Variants in MAP4K4 observed in about 807,000 individuals in gnomAD.
MAP4K4 encodes mitogen-activated protein kinase kinase kinase kinase 4.
In MAP4K4, 38 loss-of-function variants were observed where a neutral mutation model predicts 189.6. The observed-to-expected ratio is 0.20, with a 90% CI of 0.15 to 0.26. The LOEUF (loss-of-function observed/expected upper bound fraction) is 0.26, where lower values mean the gene tolerates loss of function less well. MAP4K4 is among the 10% of genes least tolerant of loss of function. MAP4K4 has a pLI of 1.00. For missense variants in MAP4K4, 1,054 were observed against 1,726.9 expected (o/e 0.61, Z 6.91); for synonymous variants, 610 against 624.3 (o/e 0.98, Z 0.34).
chr2:101,758,866 G>A (rs1358185314), intron 2 of MAP4K4, among the ~76,000 whole-genome samples: 2 of 152,100 alleles, frequency 1.3e-5, no homozygotes, highest in Non-Finnish European at 2.9e-5. Context: ...GGGCGCGGTG[G>A]CTCACGCCTG....
rs759472691 is a variant in MAP4K4, at chr2:101,698,467, C to G, written c.58-6C>G. 15 of 1,613,176 alleles carry G rather than the reference C, an allele frequency of 9.3e-6. No homozygotes were observed. In the Admixed American group the frequency reaches 2.2e-4, roughly 23 times the overall value. On this transcript the variant is annotated splice_polypyrimidine_tract_variant and splice_region_variant and intron_variant, in intron 1 of 32. Transcript: ENST00000324219. ...AATGATAACCCCTCCCCTCCTTCCT[C>G]TCCAGGATCCTGCTGGGATTTTTGA... is the stretch of plus-strand genomic sequence containing the variant.
At chr2:101,853,298 G>A (rs1197961358) in intron 12 of MAP4K4, among the ~76,000 whole-genome samples, 1 of 152,166 alleles carries the variant, frequency 6.6e-6, no homozygotes, top group African/African-American at 2.4e-5. Flanking sequence ...GAAGGATATA[G>A]AGACAGTGGG....
At chr2:101,858,946 G>A (rs1576905223) in intron 13 of MAP4K4, 50 bp from the exon 14 acceptor site, 1 of 1,429,626 alleles carries the variant, frequency 7.0e-7, no homozygotes, top group South Asian at 1.2e-5. Flanking sequence ...AGGTGGTTCT[G>A]ATGCTTTTCT....
chr2:101,770,831 T>C lies in MAP4K4; in HGVS notation c.124-19889T>C, dbSNP rs2081073712. On this transcript the variant is annotated intron_variant, in intron 2 of 32. Coordinates refer to ENST00000324219, the Ensembl canonical transcript of MAP4K4. ...ACCCATAATTGTCCCAGTGGACATTTAAACTGGAGTAGACAACTGTCACCA... is the reference window on the plus strand; with the variant it reads ...ACCCATAATTGTCCCAGTGGACATTCAAACTGGAGTAGACAACTGTCACCA... Among the ~76,000 whole-genome samples the C allele has an allele frequency of 3.3e-5, 5 of 152,162 alleles. No individual in the cohort carries two copies. In the South Asian group the frequency reaches 1.0e-3, roughly 32 times the overall value.
intron 27 of MAP4K4, among the ~76,000 whole-genome samples, chr2:101,880,951 A>T (rs912949442): frequency 4.6e-5 from 7 of 152,074 alleles, no homozygotes; most frequent in African/African-American, 1.7e-4. Flanking sequence ...TTCTTTTTTA[A>T]TGTTATGTGG....
At chr2:101,710,058 G>A (rs1247108255) in intron 2 of MAP4K4, among the ~76,000 whole-genome samples, 1 of 152,148 alleles carries the variant, frequency 6.6e-6, no homozygotes, top group Non-Finnish European at 1.5e-5. Context: ...GACTCTTTAT[G>A]TGTAATTGGT....
At chr2:101,702,808 A>G (rs962974174) in intron 2 of MAP4K4, among the ~76,000 whole-genome samples, 6 of 152,168 alleles carry the variant, frequency 3.9e-5, no homozygotes, top group African/African-American at 1.4e-4. Context: ...GATTGAGGAC[A>G]AGGGTACCCT....
chr2:101,882,263 T>A (rs2098410678), intron 27 of MAP4K4, among the ~76,000 whole-genome samples: 7 of 152,250 alleles, frequency 4.6e-5, no homozygotes, highest in Admixed American at 4.6e-4. Flanking sequence ...AGCATCTTTT[T>A]GTGTGTCTGT....
exon 23 of MAP4K4, chr2:101,870,410 C>T (rs750288751): frequency 1.9e-5 from 30 of 1,613,412 alleles, no homozygotes; most frequent in South Asian, 1.1e-4. Flanking sequence ...TCTAATCGTC[C>T]GCCAGGTACC....
chr2:101,775,607 G>A (rs115744735), intron 2 of MAP4K4, among the ~76,000 whole-genome samples: 26 of 152,090 alleles, frequency 1.7e-4, no homozygotes, highest in African/African-American at 5.5e-4. Flanking sequence ...TAGTGCTGGG[G>A]GTGAGAACTT....
chr2:101,762,285 C>G (rs1421601039), intron 2 of MAP4K4, among the ~76,000 whole-genome samples: 1 of 152,190 alleles, frequency 6.6e-6, no homozygotes. Context: ...CAAATTGCCA[C>G]ACCTAGGTAA....
At chr2:101,766,946 G>GC (rs1490808740) in intron 2 of MAP4K4, among the ~76,000 whole-genome samples, 1 of 152,126 alleles carries the variant, frequency 6.6e-6, no homozygotes, top group Middle Eastern at 3.2e-3. Flanking sequence ...CAGCTCAAAG[G>GC]CCTGGTTACA....
At chr2:101,815,500 G>A (rs1441913511) in intron 3 of MAP4K4, among the ~76,000 whole-genome samples, 3 of 151,894 alleles carry the variant, frequency 2.0e-5, no homozygotes, top group Admixed American at 2.0e-4. Context: ...TTATTCCTGG[G>A]TTAGTTTCAG....
exon 10 of MAP4K4, chr2:101,839,891 G>A (rs775048606): frequency 1.9e-6 from 3 of 1,613,788 alleles, no homozygotes; most frequent in Admixed American, 1.7e-5. Flanking sequence ...CTACAGAGCA[G>A]CTTTTGAAAC....
chr2:101,806,829 G>A (rs2094984765), intron 3 of MAP4K4, among the ~76,000 whole-genome samples: 1 of 152,160 alleles, frequency 6.6e-6, no homozygotes. Flanking sequence ...GAAAACTGTT[G>A]ATTTGGAAAG....
At chr2:101,840,408 C>T (rs2096881282) in intron 10 of MAP4K4, among the ~76,000 whole-genome samples, 1 of 152,156 alleles carries the variant, frequency 6.6e-6, no homozygotes, top group African/African-American at 2.4e-5. Context: ...TACTGCTCTA[C>T]TCTATTACAA....
chr2:101,891,139 A>G, intron 32 of MAP4K4, 27 bp from the exon 33 acceptor site: 1 of 1,574,172 alleles, frequency 6.4e-7, no homozygotes, highest in Non-Finnish European at 8.7e-7. Context: ...CATGGTAACC[A>G]TTCCCTCTCT....
intron 2 of MAP4K4, among the ~76,000 whole-genome samples, chr2:101,706,404 A>G (rs2042332595): frequency 6.6e-6 from 1 of 152,182 alleles, no homozygotes; most frequent in Non-Finnish European, 1.5e-5. Flanking sequence ...TGTAAATACC[A>G]TTTATATGTG....
chr2:101,767,725 G>A (rs7561958), intron 2 of MAP4K4, among the ~76,000 whole-genome samples: 10,076 of 152,278 alleles, frequency 0.066, 419 homozygotes, highest in African/African-American at 0.12. Context: ...TCCTCGCAGA[G>A]AGAGATGCTC....
Sources: allele counts gnomAD v4.1 joint callset (sites outside exome capture counted in the v4.1 genomes callset), GRCh38; gene constraint gnomAD v4.1.1; transcripts MANE v1.5; gene names NCBI Gene and HGNC (gene_info 2026-07-23, HGNC 2026-07-21).